Variants in RASSF3 observed in about 807,000 individuals in gnomAD.
The protein encoded by RASSF3 is Ras association domain family member 3, also known as ras association domain-containing protein 3.
In RASSF3, 19 loss-of-function variants were observed where a neutral mutation model predicts 19.9. The ratio of observed to expected loss-of-function variants is 0.96; its 90% CI spans 0.67 to 1.40. The LOEUF (loss-of-function observed/expected upper bound fraction) is 1.40, where lower values mean the gene tolerates loss of function less well. Among genes scored for constraint, RASSF3 ranks in the 40% most tolerant of loss-of-function variants. The pLI is 0.00. For missense variants in RASSF3, 306 were observed against 289.8 expected, an observed-to-expected ratio of 1.06 and a Z score of -0.41; for synonymous variants, 110 against 104.2, an observed-to-expected ratio of 1.06 and a Z score of -0.34.
At chr12:64,581,013 T>C (rs1416310141) in intron 2 of RASSF3, among the ~76,000 whole-genome samples, 1 of 152,022 alleles carries the variant, frequency 6.6e-6, no homozygotes, top group Non-Finnish European at 1.5e-5. Context: ...TATTTACATG[T>C]ATCTACTTAC....
At chr12:64,576,810 C>G (rs1869602453) in intron 2 of RASSF3, among the ~76,000 whole-genome samples, 1 of 143,296 alleles carries the variant, frequency 7.0e-6, no homozygotes, top group South Asian at 2.2e-4. Flanking sequence ...ATGACTGGGC[C>G]ACTGCACTCC....
At chr12:64,562,867 A>G (rs61931564) in intron 2 of RASSF3, among the ~76,000 whole-genome samples, 11 of 152,106 alleles carry the variant, frequency 7.2e-5, no homozygotes, top group Non-Finnish European at 1.6e-4. Flanking sequence ...GGTTCAAGTG[A>G]TCCTCCTACC....
intron 1 of RASSF3, among the ~76,000 whole-genome samples, chr12:64,535,074 C>G (rs144072292): frequency 2.2e-5 from 3 of 134,656 alleles, no homozygotes; most frequent in Non-Finnish European, 5.0e-5. Flanking sequence ...ATTTCAGAGA[C>G]GTTTATATGA....
At chr12:64,530,617 A>G (rs1367187973), upstream of RASSF3, among the ~76,000 whole-genome samples, 1 of 152,132 alleles carries the variant, frequency 6.6e-6, no homozygotes, top group Non-Finnish European at 1.5e-5. Flanking sequence ...CATATGGTAG[A>G]TGTATATTTA....
chr12:64,585,782 T>C (rs2136137700), intron 2 of RASSF3, among the ~76,000 whole-genome samples: 1 of 152,050 alleles, frequency 6.6e-6, no homozygotes, highest in African/African-American at 2.4e-5. Flanking sequence ...TTGTTTAATT[T>C]TTTTGTAGAG....
At position 64,584,593 on chromosome 12, in the gene RASSF3, C is replaced by T. The variant is rs117964539; in HGVS notation, c.294+42888C>T. Among the ~76,000 whole-genome samples the T allele has an allele frequency of 9.6e-4, 146 of 151,320 alleles. 2 individuals are homozygous for T. The East Asian group carries it at 0.026, about 27-fold the overall frequency. On this transcript the variant is annotated intron_variant, in intron 2 of 5. Coordinates refer to the RASSF3 transcript ENST00000637125. Reference sequence around the variant, plus strand: ...ATCTCCTTTCTCTCCCTTCAGATATCCTACATCTTCATGACTGTGTCCTTT... The same window carrying T: ...ATCTCCTTTCTCTCCCTTCAGATATTCTACATCTTCATGACTGTGTCCTTT...
At chr12:64,556,134 G>A (rs758099364) in intron 2 of RASSF3, among the ~76,000 whole-genome samples, 1 of 152,144 alleles carries the variant, frequency 6.6e-6, no homozygotes, top group Non-Finnish European at 1.5e-5. Flanking sequence ...GGTGGGAAGA[G>A]TCTGAGGGTG....
chr12:64,630,244 G>A (rs1250503602), intron 1 of RASSF3, among the ~76,000 whole-genome samples: 1 of 151,958 alleles, frequency 6.6e-6, no homozygotes, highest in African/African-American at 2.4e-5. Flanking sequence ...TTAAAAATTA[G>A]CAAGGCCATG....
downstream of RASSF3, among the ~76,000 whole-genome samples, chr12:64,542,760 A>AG (rs1868955381): frequency 6.6e-6 from 1 of 152,164 alleles, no homozygotes; most frequent in Non-Finnish European, 1.5e-5. Flanking sequence ...CATGGTGGTG[A>AG]GAGGTGACAG....
chr12:64,660,050 ATG>A (rs925260114), intron 1 of RASSF3, among the ~76,000 whole-genome samples: 1 of 98,718 alleles, frequency 1.0e-5, no homozygotes, highest in Non-Finnish European at 2.0e-5. Flanking sequence ...ATGTGTGTGT[ATG>A]TATATATATA....
chr12:64,537,419 T>G (rs1044489763), intron 1 of RASSF3, among the ~76,000 whole-genome samples: 32 of 152,174 alleles, frequency 2.1e-4, no homozygotes, highest in African/African-American at 6.8e-4. Context: ...GAGGTAGAGA[T>G]AGAATTCAAA....
intron 1 of RASSF3, among the ~76,000 whole-genome samples, chr12:64,659,502 C>T (rs2136196927): frequency 6.6e-6 from 1 of 151,990 alleles, no homozygotes; most frequent in East Asian, 1.9e-4. Flanking sequence ...TTGTGGACTG[C>T]TTTATTTTGG....
intron 1 of RASSF3, among the ~76,000 whole-genome samples, chr12:64,536,692 A>G (rs1035818967): frequency 2.6e-5 from 4 of 152,258 alleles, no homozygotes; most frequent in African/African-American, 7.2e-5. Context: ...GAATTTAAAT[A>G]AGGAATTATA....
At chr12:64,614,788 C>T (rs1289920945) in intron 1 of RASSF3, among the ~76,000 whole-genome samples, 1 of 151,358 alleles carries the variant, frequency 6.6e-6, no homozygotes, top group East Asian at 1.9e-4. Context: ...ACCTCCATCT[C>T]CCAGGATCAA....
chr12:64,604,443 C>T (rs1870149840), intron 2 of RASSF3, among the ~76,000 whole-genome samples: 1 of 151,702 alleles, frequency 6.6e-6, no homozygotes, highest in Admixed American at 6.6e-5. Context: ...ATTTCTCACC[C>T]CACATACTTA....
chr12:64,657,543 G>A (rs1872203663), intron 1 of RASSF3, among the ~76,000 whole-genome samples: 1 of 152,196 alleles, frequency 6.6e-6, no homozygotes, highest in South Asian at 2.1e-4. Context: ...ACCAGGCCAG[G>A]CACCCTTTTC....
At chr12:64,640,304 T>TG (rs1871470254) in intron 1 of RASSF3, among the ~76,000 whole-genome samples, 1 of 152,212 alleles carries the variant, frequency 6.6e-6, no homozygotes, top group Admixed American at 6.5e-5. Context: ...TCACTTTTTT[T>TG]TGTGGTAAGA....
upstream of RASSF3, among the ~76,000 whole-genome samples, chr12:64,529,605 A>G (rs778923739): frequency 6.6e-6 from 1 of 152,186 alleles, no homozygotes; most frequent in Non-Finnish European, 1.5e-5. Context: ...AGAAAGATGT[A>G]AATAGATCAA....
chr12:64,633,389 G>A (rs1871227365), intron 1 of RASSF3, among the ~76,000 whole-genome samples: 1 of 152,144 alleles, frequency 6.6e-6, no homozygotes, highest in African/African-American at 2.4e-5. Context: ...CCTCCTTGGT[G>A]ATATGTGAGT....
Sources: allele counts gnomAD v4.1 joint callset (sites outside exome capture counted in the v4.1 genomes callset), GRCh38; gene constraint gnomAD v4.1.1; transcripts MANE v1.5; gene names NCBI Gene and HGNC (gene_info 2026-07-23, HGNC 2026-07-21).